The following DNAJB12 variants were observed in gnomAD, a reference collection of about 807,000 sequenced individuals.
DNAJB12 encodes DnaJ heat shock protein family (Hsp40) member B12.
DNAJB12 carries 14 observed loss-of-function variants against 40.6 expected under a neutral mutation model. That is an observed-to-expected ratio of 0.34 (90% CI 0.23 to 0.54). The LOEUF is 0.54. DNAJB12 is among the 20% of genes least tolerant of loss of function. The pLI is 0.92. For missense variants in DNAJB12, 444 were observed against 501.7 expected, an observed-to-expected ratio of 0.89 and a Z score of 1.10; for synonymous variants, 181 against 199.5, an observed-to-expected ratio of 0.91 and a Z score of 0.78.
chr10:72,337,198 G>A (rs56337250), intron 6 of DNAJB12, among the ~76,000 whole-genome samples: 10,893 of 152,260 alleles, frequency 0.072, 805 homozygotes, highest in African/African-American at 0.19. Context: ...CACCCAGACA[G>A]GACCAGTGCT....
intron 6 of DNAJB12, 132 bp from the exon 7 acceptor site, chr10:72,336,828 G>C (rs1589123109): frequency 4.3e-6 from 3 of 693,838 alleles, no homozygotes; most frequent in East Asian, 5.4e-5. Context: ...CCAGAGCAGG[G>C]ACCCGCACAC....
rs1861903039 is a variant in DNAJB12 at position 72,350,360 on chromosome 10, C to A, written c.133+4405G>T. ...GCTGCAGTGAGCTGTGATTGTGCCA[C>A]TGCACTCCAGCCTGGGCAACAGAGT... is the stretch of plus-strand genomic sequence containing the variant. On this transcript the variant is annotated intron_variant, in intron 1 of 8. Coordinates refer to ENST00000444643, the MANE Select transcript of DNAJB12 (RefSeq NM_017626.7). Among the ~76,000 whole-genome samples the A allele has an allele frequency of 1.5e-5, 2 of 136,726 alleles. 1 individual carries two copies. Among genetic ancestry groups the A allele is most frequent in the African/African-American group, 5.6e-5 (2 of 35,632 alleles). The allele number at this position is 136,726 out of a possible 152,430, so 89.7% of individuals were successfully genotyped here.
chr10:72,349,090 G>C (rs1262831150), intron 1 of DNAJB12, among the ~76,000 whole-genome samples: 1 of 152,190 alleles, frequency 6.6e-6, no homozygotes, highest in African/African-American at 2.4e-5. Context: ...GCATAGAAGA[G>C]ACATCAAATT....
chr10:72,336,035 G>A lies in DNAJB12; in HGVS notation c.1007-104C>T, dbSNP rs74145743. On this transcript the variant is annotated intron_variant, in intron 7 of 8. Coordinates refer to ENST00000444643, the MANE Select transcript of DNAJB12 (RefSeq NM_017626.7). Reference sequence around the variant, plus strand: ...GGCGGAGGAAAGCTGGTACATGCCCGGGGCTTGGGCAGGGCTGGCCTCCCA... The same window carrying A: ...GGCGGAGGAAAGCTGGTACATGCCCAGGGCTTGGGCAGGGCTGGCCTCCCA... The A allele has an allele frequency of 9.2e-3, 13,506 of 1,465,132 alleles. 326 individuals are homozygous for A. Among genetic ancestry groups the A allele is most frequent in the East Asian group, 0.08 (3,502 of 43,742 alleles). 90.8% of individuals were successfully genotyped at this position (1,465,132 alleles called of 1,614,324 possible).
At position 72,336,595 on chromosome 10, in the gene DNAJB12, G is replaced by A. The variant is rs755945261; in HGVS notation, c.935C>T (p.Thr312Ile). ...SEEYTGSSLKTVERNVEDDYI... is the reference protein window; with the variant it reads ...SEEYTGSSLKIVERNVEDDYI... ...ATCATCTTCCACATTCCGCTCGACT[G>A]TTTTGAGGCTGGAGCCTGTGTACTC... The change falls in exon 7 of 9, where the codon ACA becomes ATA. Residue 312 changes from threonine to isoleucine, a missense_variant. Coordinates refer to ENST00000444643, the MANE Select transcript of DNAJB12 (RefSeq NM_017626.7). The A allele has an allele frequency of 1.2e-6, 2 of 1,614,160 alleles. No homozygotes were observed. Among genetic ancestry groups the A allele is most frequent in the South Asian group, 1.1e-5 (1 of 91,086 alleles).
chr10:72,334,830 G>A, intron 8 of DNAJB12: 1 of 1,358,800 alleles, frequency 7.4e-7, no homozygotes, highest in Non-Finnish European at 9.4e-7. Context: ...TCCAGGCCGG[G>A]AGGACACAGG....
In DNAJB12 at chr10:72,335,358, T is replaced by C; in HGVS notation, c.*30+422A>G. On this transcript the variant is annotated intron_variant, in intron 8 of 8. Coordinates refer to ENST00000444643, the MANE Select transcript of DNAJB12 (RefSeq NM_017626.7). The surrounding 1 kb of genome is among the most constrained non-coding windows in gnomAD (Gnocchi z 4.4). Reference sequence around the variant, plus strand: ...CCTGGTATCAGGCAGGCAGTGTGCATATGGGGCTCTCTTGGGCCCCACCAT... The same window carrying C: ...CCTGGTATCAGGCAGGCAGTGTGCACATGGGGCTCTCTTGGGCCCCACCAT... 2.0e-6 allele frequency: 2 copies of C among 996,538 alleles called. No homozygotes were observed. Among genetic ancestry groups the C allele is most frequent in the Non-Finnish European group, 2.4e-6 (2 of 836,050 alleles). 61.7% of individuals were successfully genotyped at this position (996,538 alleles called of 1,614,324 possible). A position where few individuals can be genotyped will look rare whatever the true frequency, so the allele number is the denominator to read the frequency against.
intron 6 of DNAJB12, among the ~76,000 whole-genome samples, chr10:72,337,478 C>T (rs531604435): frequency 1.3e-5 from 2 of 152,340 alleles, no homozygotes; most frequent in South Asian, 4.1e-4. Context: ...GGAGCTGACC[C>T]CCTAACGGCT....
At chr10:72,345,155 G>A in intron 1 of DNAJB12, 28 bp from the exon 2 acceptor site, 1 of 1,573,506 alleles carries the variant, frequency 6.4e-7, no homozygotes, top group Non-Finnish European at 8.6e-7. Context: ...ACCATTCAGA[G>A]CTCCTGCTCA....
At chr10:72,353,817 C>G (rs1445187929) in intron 1 of DNAJB12, 1 of 152,228 alleles carries the variant, frequency 6.6e-6, no homozygotes, top group Admixed American at 6.5e-5. Flanking sequence ...TGGTAGCCGT[C>G]AGGATGAGAC....
chr10:72,334,664 G>A (rs901215030), intron 8 of DNAJB12, 47 bp from the exon 9 acceptor site: 55 of 1,518,954 alleles, frequency 3.6e-5, no homozygotes, highest in East Asian at 5.1e-5. Context: ...AGGCGGCACC[G>A]GCTCCTCTAG....
chr10:72,345,569 C>CA (rs34465078), intron 1 of DNAJB12, among the ~76,000 whole-genome samples: 1,139 of 92,204 alleles, frequency 0.012, 25 homozygotes, highest in African/African-American at 0.033. Flanking sequence ...GACCCTGTCT[C>CA]AAAAAAAAAA....
chr10:72,336,875 TC>T, intron 6 of DNAJB12, 179 bp from the exon 7 acceptor site: 1 of 536,544 alleles, frequency 1.9e-6, no homozygotes, highest in South Asian at 2.7e-5. Context: ...GGCAGCGTCC[TC>T]CCACACACGT....
chr10:72,349,611 G>C (rs1388227560), intron 1 of DNAJB12, among the ~76,000 whole-genome samples: 1 of 152,206 alleles, frequency 6.6e-6, no homozygotes, highest in Non-Finnish European at 1.5e-5. Context: ...CCCAGGCTGA[G>C]CCTGGCAGAT....
chr10:72,335,676 G>T lies in DNAJB12; in HGVS notation c.*30+104C>A. 1 of 1,473,046 alleles carries T rather than the reference G, an allele frequency of 6.8e-7. No individual in the cohort carries two copies. 91.2% of individuals were successfully genotyped at this position (1,473,046 alleles called of 1,614,324 possible). ...GGTCAGGCTGGGGACAGGAGTCTTT[G>T]CCACAATCACCAGGCTTCCTCCCTT... On this transcript the variant is annotated intron_variant, in intron 8 of 8. Transcript: ENST00000444643. This position sits in a 1 kb window ranked among gnomAD's most constrained non-coding sequence, Gnocchi z 4.4.
chr10:72,336,661 T>TG lies in DNAJB12; in HGVS notation c.868dup (p.His290ProfsTer31). 1 of 1,614,066 alleles carries TG rather than the reference T, an allele frequency of 6.2e-7. No individual in the cohort carries two copies. Among genetic ancestry groups the TG allele is most frequent in the Non-Finnish European group, 8.5e-7 (1 of 1,179,970 alleles). ...TCCCACATAGTAGACGACACCCAGG[T>TG]GGTCAGTGACTCGCCTGTGGATGTG... On this transcript the variant is annotated frameshift_variant, in exon 7 of 9. Transcript: ENST00000444643. LOFTEE classifies it high-confidence loss of function.
rs374063941 is a variant in DNAJB12, at chr10:72,338,161, C to T, written c.833+41G>A. On this transcript the variant is annotated intron_variant, in intron 6 of 8. Transcript: ENST00000444643. ...CCCTGATGGGGCTGAGAATTTAAAGCCCCTTGTCTGCCCATGGCCCGGCCT... is the reference window on the plus strand; with the variant it reads ...CCCTGATGGGGCTGAGAATTTAAAGTCCCTTGTCTGCCCATGGCCCGGCCT... 49 of 1,557,814 alleles carry T rather than the reference C, an allele frequency of 3.1e-5. No homozygotes were observed. The Middle Eastern group carries it at 5.2e-4, about 17-fold the overall frequency.
chr10:72,350,398 CAAAAAAAAAAAA>C (rs35316232), intron 1 of DNAJB12, among the ~76,000 whole-genome samples: 15 of 27,818 alleles, frequency 5.4e-4, no homozygotes, highest in East Asian at 1.2e-3. Context: ...GACCCTGTCT[CAAAAAAAAAAAA>C]AAAAAAAAAA....
chr10:72,340,915 G>T (rs1361079131), intron 4 of DNAJB12, 47 bp from the exon 5 acceptor site: 4 of 1,609,822 alleles, frequency 2.5e-6, no homozygotes, highest in Non-Finnish European at 2.5e-6. Flanking sequence ...GTTGGGAAAG[G>T]GAGAGGCTGG....
Sources: allele counts gnomAD v4.1 joint callset (sites outside exome capture counted in the v4.1 genomes callset), GRCh38; gene constraint gnomAD v4.1.1; non-coding constraint Gnocchi (gnomAD v3.1); transcripts MANE v1.5; gene names NCBI Gene and HGNC (gene_info 2026-07-23, HGNC 2026-07-21).